CHSY3: variants seen among roughly 807,000 people sequenced by gnomAD.
The protein encoded by CHSY3 is N-acetylgalactosaminyl-proteoglycan 3-beta-glucuronosyltransferase 3.
A neutral mutation model predicts 67.2 loss-of-function variants in CHSY3; 35 were observed. The ratio of observed to expected loss-of-function variants is 0.52; its 90% confidence interval spans 0.40 to 0.69. CHSY3 has a LOEUF of 0.69. Ranked by LOEUF, CHSY3 falls within the 30% of genes least tolerant of loss-of-function variation. CHSY3 has a pLI of 0.00. For synonymous variants in CHSY3, 474 were observed against 434.7 expected (o/e 1.09, Z -1.12); for missense variants, 1,069 against 1,138.5 (o/e 0.94, Z 0.88).
chr5:129,919,137 A>AT (rs1561454507), intron 2 of CHSY3, among the ~76,000 whole-genome samples: 7 of 150,344 alleles, frequency 4.7e-5, no homozygotes, highest in Non-Finnish European at 5.9e-5. Flanking sequence ...AAAAAAAAAA[A>AT]TTTATTCTGC....
chr5:130,178,227 T>TATATATA (rs1561571814), intron 2 of CHSY3, among the ~76,000 whole-genome samples: 3 of 65,830 alleles, frequency 4.6e-5, no homozygotes, highest in African/African-American at 6.6e-5. Flanking sequence ...ATATTTATAT[T>TATATATA]TATATATATA....
chr5:129,912,808 G>A (rs1246059443), intron 2 of CHSY3, among the ~76,000 whole-genome samples: 1 of 152,142 alleles, frequency 6.6e-6, no homozygotes, highest in Non-Finnish European at 1.5e-5. Context: ...TTCTTTGTGT[G>A]CCTGTGATCA....
intron 2 of CHSY3, among the ~76,000 whole-genome samples, chr5:129,921,956 T>C (rs1294697074): frequency 6.6e-6 from 1 of 152,160 alleles, no homozygotes; most frequent in African/African-American, 2.4e-5. Context: ...TATCTAACTG[T>C]ATTTTTGTAC....
chr5:130,169,358 A>G (rs1441694632), intron 2 of CHSY3, among the ~76,000 whole-genome samples: 1 of 152,116 alleles, frequency 6.6e-6, no homozygotes, highest in Non-Finnish European at 1.5e-5. Context: ...GTAAAAAACA[A>G]TTAACACTGA....
At chr5:130,184,160 T>G in intron 2 of CHSY3, 69 bp from the exon 3 acceptor site, 1 of 1,345,942 alleles carries the variant, frequency 7.4e-7, no homozygotes, top group Admixed American at 3.2e-5. Flanking sequence ...ATGCTTTAGT[T>G]TATCGCTGGT....
chr5:130,179,084 T>G (rs1213693019), intron 2 of CHSY3, among the ~76,000 whole-genome samples: 1 of 152,220 alleles, frequency 6.6e-6, no homozygotes, highest in African/African-American at 2.4e-5. Context: ...CTTTAAAGAT[T>G]CACTTTATTA....
intron 2 of CHSY3, among the ~76,000 whole-genome samples, chr5:130,134,974 T>C (rs1174150990): frequency 6.6e-6 from 1 of 151,982 alleles, no homozygotes; most frequent in Admixed American, 6.6e-5. Context: ...GTGAATCTTA[T>C]CTTTCGAGAC....
chr5:130,175,940 G>A (rs543505317), intron 2 of CHSY3, among the ~76,000 whole-genome samples: 15 of 152,152 alleles, frequency 9.9e-5, no homozygotes, highest in East Asian at 1.9e-4. Flanking sequence ...ACATAGGCAC[G>A]GGCAAAGACT....
chr5:129,999,085 T>C (rs1763638366), intron 2 of CHSY3, among the ~76,000 whole-genome samples: 1 of 151,652 alleles, frequency 6.6e-6, no homozygotes, highest in Non-Finnish European at 1.5e-5. Context: ...TGGAATTATT[T>C]TTTTGGAAGA....
chr5:129,971,994 G>A (rs1762652986), intron 2 of CHSY3, among the ~76,000 whole-genome samples: 1 of 151,988 alleles, frequency 6.6e-6, no homozygotes, highest in Non-Finnish European at 1.5e-5. Context: ...AAGTGTTGAA[G>A]GGCTGCTTCC....
intron 2 of CHSY3, among the ~76,000 whole-genome samples, chr5:130,123,855 A>C (rs921569429): frequency 6.6e-6 from 1 of 152,024 alleles, no homozygotes. Context: ...CAGGAGATCA[A>C]GACCATCCTG....
At chr5:130,005,782 C>A (rs1440806990) in intron 2 of CHSY3, among the ~76,000 whole-genome samples, 2 of 152,144 alleles carry the variant, frequency 1.3e-5, no homozygotes, top group Non-Finnish European at 2.9e-5. Flanking sequence ...TTTTGAATGT[C>A]ATTCTGTCTG....
intron 2 of CHSY3, among the ~76,000 whole-genome samples, chr5:130,137,470 T>G (rs1768702145): frequency 6.6e-6 from 1 of 152,158 alleles, no homozygotes; most frequent in Non-Finnish European, 1.5e-5. Context: ...AGCACTATAT[T>G]ATATATATTG....
intron 2 of CHSY3, among the ~76,000 whole-genome samples, chr5:129,931,220 C>A (rs1289289214): frequency 6.6e-6 from 1 of 152,094 alleles, no homozygotes; most frequent in African/African-American, 2.4e-5. Flanking sequence ...CCATTTGTGC[C>A]ATGGACAGAC....
In CHSY3 at chr5:130,046,123, C is replaced by T. The variant is rs536210579; in HGVS notation, c.1086+137763C>T. On this transcript the variant is annotated intron_variant, in intron 2 of 2. Coordinates refer to ENST00000305031, the MANE Select transcript of CHSY3 (RefSeq NM_175856.5). ...ACTACCATATTAAAGGGAAAAAGTA[C>T]CGGCTCGGGGAGGCTACTTTATTAA... Among the ~76,000 whole-genome samples the T allele has an allele frequency of 3.3e-5, 5 of 152,168 alleles. No individual in the cohort carries two copies. In the East Asian group the frequency reaches 9.7e-4, roughly 29 times the overall value.
chr5:130,070,479 A>G (rs1766024204), intron 2 of CHSY3, among the ~76,000 whole-genome samples: 1 of 152,116 alleles, frequency 6.6e-6, no homozygotes, highest in Non-Finnish European at 1.5e-5. Flanking sequence ...GGTACATCAC[A>G]GTAAGTTTTA....
intron 2 of CHSY3, among the ~76,000 whole-genome samples, chr5:130,043,098 T>A (rs1404685486): frequency 6.6e-6 from 1 of 152,074 alleles, no homozygotes; most frequent in African/African-American, 2.4e-5. Context: ...AACTCCATGT[T>A]AACAAGGAGC....
chr5:130,169,863 G>A (rs930233602), intron 2 of CHSY3, among the ~76,000 whole-genome samples: 4 of 152,034 alleles, frequency 2.6e-5, no homozygotes, highest in South Asian at 2.1e-4. Flanking sequence ...GATTTTATGC[G>A]TGATCAGTGA....
At chr5:130,035,153 G>A (rs1016974968) in intron 2 of CHSY3, among the ~76,000 whole-genome samples, 1 of 152,150 alleles carries the variant, frequency 6.6e-6, no homozygotes, top group East Asian at 1.9e-4. Context: ...ACTAAAACAA[G>A]GCAAGGGAAG....
Sources: allele counts gnomAD v4.1 joint callset (sites outside exome capture counted in the v4.1 genomes callset), GRCh38; gene constraint gnomAD v4.1.1; transcripts MANE v1.5; gene names NCBI Gene and HGNC (gene_info 2026-07-23, HGNC 2026-07-21).